Variants in CDH13 observed in about 807,000 individuals in gnomAD.
CDH13 encodes the protein cadherin 13.
A neutral mutation model predicts 63.8 loss-of-function variants in CDH13; 24 were observed. The ratio of observed to expected loss-of-function variants is 0.38; its 90% CI spans 0.27 to 0.53. CDH13 has a LOEUF of 0.53. CDH13 is among the 20% of genes least tolerant of loss of function. The probability of loss-of-function intolerance (pLI) is 0.85; values close to 1 mark genes in which losing one functional copy is unlikely to be tolerated. For missense variants in CDH13, 1,049 were observed against 903.1 expected (o/e 1.16, Z -2.07); for synonymous variants, 503 against 355.3 (o/e 1.42, Z -4.67).
At chr16:83,509,668 G>C (rs2151601069) in intron 7 of CDH13, among the ~76,000 whole-genome samples, 2 of 152,278 alleles carry the variant, frequency 1.3e-5, no homozygotes, top group South Asian at 4.2e-4. Context: ...CAAAGAGTGG[G>C]AAACCAGAGG....
chr16:82,736,382 T>C (rs1314001523), intron 1 of CDH13, among the ~76,000 whole-genome samples: 1 of 152,188 alleles, frequency 6.6e-6, no homozygotes, highest in Non-Finnish European at 1.5e-5. Flanking sequence ...ACGGTGCCAC[T>C]CATTAATTCT....
intron 8 of CDH13, among the ~76,000 whole-genome samples, chr16:83,668,251 A>C (rs779042799): frequency 3.3e-5 from 5 of 152,186 alleles, no homozygotes; most frequent in Non-Finnish European, 7.3e-5. Flanking sequence ...CATTCATTCA[A>C]CAAATATCTA....
At chr16:82,990,055 A>T (rs1265026444) in intron 2 of CDH13, 1 of 151,906 alleles carries the variant, frequency 6.6e-6, no homozygotes, top group African/African-American at 2.4e-5. Context: ...GCAGTGAACT[A>T]TCCATATACT....
In CDH13 at chr16:83,275,799, G is replaced by A. The variant is rs114033941; in HGVS notation, c.636+58302G>A. Among the ~76,000 whole-genome samples the A allele has an allele frequency of 3.9e-3, 596 of 152,254 alleles. 4 individuals carry two copies. Among genetic ancestry groups the A allele is most frequent in the African/African-American group, 0.014 (562 of 41,544 alleles). ...TCCATTCAGAGCAAATAAGTTCCCC[G>A]GATGCCGGGCACAGTGGGTAGCGGT... On this transcript the variant is annotated intron_variant, in intron 5 of 13. Coordinates refer to ENST00000567109, the MANE Select transcript of CDH13 (RefSeq NM_001257.5).
chr16:83,146,637 A>G (rs936869073), intron 4 of CDH13, among the ~76,000 whole-genome samples: 9 of 152,404 alleles, frequency 5.9e-5, no homozygotes, highest in Admixed American at 1.3e-4. Context: ...CCAGAATGGT[A>G]TTCAACAGGC....
At chr16:83,220,895 T>C (rs1425450812) in intron 5 of CDH13, among the ~76,000 whole-genome samples, 2 of 152,220 alleles carry the variant, frequency 1.3e-5, no homozygotes, top group African/African-American at 2.4e-5. Flanking sequence ...TGCATCACCA[T>C]TGAAGCTCCT....
chr16:83,027,427 G>A (rs66961304), intron 2 of CDH13, among the ~76,000 whole-genome samples: 20,108 of 152,134 alleles, frequency 0.13, 1,399 homozygotes, highest in African/African-American at 0.17. Context: ...TTAACAGGGT[G>A]AAGAAGGTGA....
intron 2 of CDH13, among the ~76,000 whole-genome samples, chr16:82,936,168 C>T (rs938490396): frequency 6.6e-6 from 1 of 152,118 alleles, no homozygotes; most frequent in African/African-American, 2.4e-5. Context: ...GTCCTTAGTT[C>T]CTGCCAGCAT....
intron 7 of CDH13, among the ~76,000 whole-genome samples, chr16:83,573,010 G>A (rs1177354308): frequency 6.6e-6 from 1 of 152,172 alleles, no homozygotes; most frequent in Non-Finnish European, 1.5e-5. Flanking sequence ...TTTAGGCCTT[G>A]AACACGTTGA....
intron 2 of CDH13, among the ~76,000 whole-genome samples, chr16:82,874,387 G>T (rs1181686561): frequency 1.3e-5 from 2 of 151,906 alleles, no homozygotes; most frequent in African/African-American, 4.8e-5. Context: ...TGGTGGCTCA[G>T]CCCACCCCTC....
rs1205442677 is a variant in CDH13 at position 82,879,635 on chromosome 16, TTA to T, written c.157+21166_157+21167del. Reference sequence around the variant, plus strand: ...ATTTATACATAATATAAAATATCTATTATATGTTACATATATTTAGATATAAT... The same window carrying T: ...ATTTATACATAATATAAAATATCTATTATGTTACATATATTTAGATATAAT... On this transcript the variant is annotated intron_variant, in intron 2 of 13. Transcript: ENST00000567109. Among the ~76,000 whole-genome samples the T allele has an allele frequency of 4.3e-5, 6 of 140,450 alleles. No homozygotes were observed. The South Asian group carries it at 8.5e-4, about 20-fold the overall frequency. 92.1% of individuals were successfully genotyped at this position (140,450 alleles called of 152,430 possible). A position where few individuals can be genotyped will look rare whatever the true frequency, so the allele number is the denominator to read the frequency against.
chr16:83,569,583 TTGTGAAATCCCTCC>T (rs1251699873), intron 7 of CDH13, among the ~76,000 whole-genome samples: 1 of 152,206 alleles, frequency 6.6e-6, no homozygotes, highest in Non-Finnish European at 1.5e-5. Flanking sequence ...TCAGGCTCAA[TTGTGAAATCCCTCC>T]AGATTCCTAA....
intron 3 of CDH13, among the ~76,000 whole-genome samples, chr16:83,117,545 C>G (rs116140733): frequency 0.012 from 1,840 of 152,016 alleles, 32 homozygotes; most frequent in African/African-American, 0.042. Context: ...GGTTTGCCCC[C>G]TCTCTCTACA....
chr16:82,873,595 T>C (rs1285277766), intron 2 of CDH13, among the ~76,000 whole-genome samples: 2 of 152,314 alleles, frequency 1.3e-5, no homozygotes, highest in Non-Finnish European at 2.9e-5. Flanking sequence ...CAGCTCCTAA[T>C]TTTTCTCATC....
At chr16:83,275,877 G>T (rs1004964961) in intron 5 of CDH13, among the ~76,000 whole-genome samples, 1 of 152,156 alleles carries the variant, frequency 6.6e-6, no homozygotes, top group African/African-American at 2.4e-5. Flanking sequence ...CATGAAAACT[G>T]CCCTGAAGAG....
intron 6 of CDH13, among the ~76,000 whole-genome samples, chr16:83,368,030 G>T (rs1218000260): frequency 6.6e-6 from 1 of 152,134 alleles, no homozygotes; most frequent in Non-Finnish European, 1.5e-5. Context: ...TATATTTGAT[G>T]ATATTGTAAA....
chr16:83,195,613 G>A (rs7192278), intron 4 of CDH13, among the ~76,000 whole-genome samples: 131,611 of 152,070 alleles, frequency 0.87, 56,970 homozygotes, highest in Admixed American at 0.88. Flanking sequence ...ACCCCCCGCC[G>A]TGATCCCATC....
At chr16:83,480,044 G>T (rs893533816) in intron 6 of CDH13, among the ~76,000 whole-genome samples, 1 of 152,200 alleles carries the variant, frequency 6.6e-6, no homozygotes, top group Non-Finnish European at 1.5e-5. Context: ...AAAAGTTGAG[G>T]TGGGGCGTGA....
At chr16:83,670,216 C>G (rs983530343) in intron 8 of CDH13, among the ~76,000 whole-genome samples, 1 of 152,150 alleles carries the variant, frequency 6.6e-6, no homozygotes, top group African/African-American at 2.4e-5. Context: ...GATCTGGGGT[C>G]AAATCCCAGT....
Sources: allele counts gnomAD v4.1 joint callset (sites outside exome capture counted in the v4.1 genomes callset), GRCh38; gene constraint gnomAD v4.1.1; transcripts MANE v1.5; gene names NCBI Gene and HGNC (gene_info 2026-07-23, HGNC 2026-07-21).